Variants in PKIB observed in about 807,000 individuals in gnomAD.
The protein encoded by PKIB is cAMP-dependent protein kinase inhibitor beta.
A neutral mutation model predicts 4.5 loss-of-function variants in PKIB; 2 were observed. The ratio of observed to expected loss-of-function variants is 0.44; its 90% CI spans 0.18 to 1.39. The LOEUF is 1.39. PKIB is among the 40% of genes most tolerant of loss of function. PKIB has a pLI of 0.27. For synonymous variants in PKIB, 38 were observed against 36.0 expected, an observed-to-expected ratio of 1.06 and a Z score of -0.20; for missense variants, 94 against 92.6, an observed-to-expected ratio of 1.02 and a Z score of -0.06.
chr6:122,703,350 C>T (rs1778911849), intron 3 of PKIB, among the ~76,000 whole-genome samples: 1 of 152,038 alleles, frequency 6.6e-6, no homozygotes, highest in Non-Finnish European at 1.5e-5. Context: ...TAAGCAAACA[C>T]AGCAGGAAAC....
intron 1 of PKIB, among the ~76,000 whole-genome samples, chr6:122,624,658 T>A (rs187992960): frequency 3.1e-4 from 47 of 152,238 alleles, no homozygotes; most frequent in African/African-American, 1.0e-3. Context: ...AAAATCCAGA[T>A]CAAAAGTCCA....
At chr6:122,658,410 G>A (rs963204572) in intron 2 of PKIB, among the ~76,000 whole-genome samples, 1 of 152,172 alleles carries the variant, frequency 6.6e-6, no homozygotes, top group African/African-American at 2.4e-5. Context: ...AGTAGGAAAT[G>A]TATTGGCTTA....
chr6:122,653,555 G>A, intron 2 of PKIB, among the ~76,000 whole-genome samples: 1 of 151,588 alleles, frequency 6.6e-6, no homozygotes, highest in Admixed American at 6.6e-5. Context: ...GCGGGATGAG[G>A]TGGGGGGAAT....
chr6:122,724,227 A>G (rs1464489768), intron 4 of PKIB, among the ~76,000 whole-genome samples: 4 of 152,206 alleles, frequency 2.6e-5, no homozygotes, highest in African/African-American at 4.8e-5. Context: ...GTGGGAACGA[A>G]GGAGCCAGGA....
At chr6:122,683,050 G>A (rs1003020626) in intron 3 of PKIB, among the ~76,000 whole-genome samples, 5 of 152,090 alleles carry the variant, frequency 3.3e-5, no homozygotes, top group Non-Finnish European at 5.9e-5. Flanking sequence ...AGGCAAGGTT[G>A]ATTTAATTAT....
At chr6:122,535,241 A>G (rs1462483913) in intron 2 of PKIB, among the ~76,000 whole-genome samples, 2 of 152,148 alleles carry the variant, frequency 1.3e-5, no homozygotes, top group Non-Finnish European at 2.9e-5. Context: ...TACTCATCAG[A>G]AGAATAATTT....
intron 1 of PKIB, among the ~76,000 whole-genome samples, chr6:122,614,561 C>CT (rs5879653): frequency 0.14 from 21,229 of 151,138 alleles, 1,640 homozygotes; most frequent in African/African-American, 0.16. Context: ...TGTAGGCTTT[C>CT]TTTTTTTTTG....
At chr6:122,524,706 A>G (rs1777047733) in intron 2 of PKIB, among the ~76,000 whole-genome samples, 1 of 151,902 alleles carries the variant, frequency 6.6e-6, no homozygotes, top group Admixed American at 6.6e-5. Flanking sequence ...CAGTCTTAGT[A>G]GTTTTTATAT....
At chr6:122,639,073 G>A (rs1773919317) in intron 2 of PKIB, among the ~76,000 whole-genome samples, 1 of 152,114 alleles carries the variant, frequency 6.6e-6, no homozygotes, top group African/African-American at 2.4e-5. Flanking sequence ...TCTTCTCTTG[G>A]CTAATAAAGG....
intron 2 of PKIB, among the ~76,000 whole-genome samples, chr6:122,645,377 C>G (rs1776270521): frequency 6.6e-6 from 1 of 152,116 alleles, no homozygotes; most frequent in South Asian, 2.1e-4. Flanking sequence ...CTTGTTTCCG[C>G]TGATGGGAGA....
At position 122,575,599 on chromosome 6, in the gene PKIB, G is replaced by A. The variant is rs370047143; in HGVS notation, c.-247-10322G>A. 5.7e-4 allele frequency among the ~76,000 whole-genome samples: 87 copies of A among 152,278 alleles called. 1 individual carries two copies. The highest frequency in any genetic ancestry group is 3.4e-3 in the Middle Eastern group (1 of 294). ...TACTACTCAGCCATAAAAAAGGAAT[G>A]AAATAATGACTTTTGCAGCAGCTTG... On this transcript the variant is annotated intron_variant, in intron 2 of 6. Transcript: ENST00000392491.
intron 2 of PKIB, among the ~76,000 whole-genome samples, chr6:122,503,052 T>G (rs942836927): frequency 2.6e-5 from 4 of 152,184 alleles, no homozygotes; most frequent in African/African-American, 9.7e-5. Flanking sequence ...CTTCTCTCTG[T>G]GTCTTCATGT....
At chr6:122,705,992 C>T (rs1003343652) in intron 3 of PKIB, among the ~76,000 whole-genome samples, 3 of 152,154 alleles carry the variant, frequency 2.0e-5, no homozygotes, top group Non-Finnish European at 4.4e-5. Flanking sequence ...TGACTATGCT[C>T]CAACTCATTT....
intron 1 of PKIB, among the ~76,000 whole-genome samples, chr6:122,619,572 C>CT (rs1475594054): frequency 6.6e-6 from 1 of 152,138 alleles, no homozygotes; most frequent in Non-Finnish European, 1.5e-5. Flanking sequence ...GCAGACATGA[C>CT]TGCAGGCTCT....
intron 2 of PKIB, chr6:122,652,631 A>G (rs1312909763): frequency 6.6e-6 from 1 of 152,212 alleles, no homozygotes; most frequent in African/African-American, 2.4e-5. Flanking sequence ...ACTGGGGCCT[A>G]TGGCCTAACT....
chr6:122,674,447 C>A (rs919280524), intron 2 of PKIB, among the ~76,000 whole-genome samples: 2 of 152,134 alleles, frequency 1.3e-5, no homozygotes, highest in Admixed American at 1.3e-4. Flanking sequence ...ACCGACGGTT[C>A]ATACTCCCAT....
At chr6:122,616,079 C>T (rs1310620299) in intron 1 of PKIB, among the ~76,000 whole-genome samples, 1 of 152,028 alleles carries the variant, frequency 6.6e-6, no homozygotes, top group Non-Finnish European at 1.5e-5. Flanking sequence ...ATTGAGTTGA[C>T]ATTGGCATGC....
intron 2 of PKIB, among the ~76,000 whole-genome samples, chr6:122,662,560 T>C (rs551720152): frequency 1.5e-4 from 23 of 151,962 alleles, no homozygotes; most frequent in Non-Finnish European, 2.6e-4. Context: ...CATCAGGCGA[T>C]CCACTTGCTT....
At position 122,633,591 on chromosome 6, in the gene PKIB, T is replaced by C. The variant is rs113881410; in HGVS notation, c.-76+224T>C. 4.7e-3 allele frequency among the ~76,000 whole-genome samples: 714 copies of C among 152,286 alleles called. 6 individuals carry two copies. The highest frequency in any genetic ancestry group is 0.016 in the African/African-American group (661 of 41,568). ...ACATACTGGGACCTTGAGATACACA[T>C]TTTCAACTCATATCTGCCAGGGATA... On this transcript the variant is annotated intron_variant, in intron 2 of 4. Transcript: ENST00000368452.
Sources: gnomAD v4.1 joint callset for allele counts (sites outside exome capture counted in the v4.1 genomes callset) on GRCh38, gnomAD v4.1.1 for gene constraint, MANE v1.5 for transcripts, NCBI Gene and HGNC (gene_info 2026-07-23, HGNC 2026-07-21) for gene names.